EYA4: variants seen among roughly 807,000 people sequenced by gnomAD.
The protein encoded by EYA4 is protein phosphatase EYA4.
Under a neutral mutation model 87.9 loss-of-function variants are expected in EYA4, and 31 were observed. The observed-to-expected ratio is 0.35, with a 90% confidence interval of 0.27 to 0.48. The LOEUF is 0.48. Ranked by LOEUF, EYA4 falls within the 20% of genes least tolerant of loss-of-function variation. The pLI is 0.99. For missense variants in EYA4, 678 were observed against 761.4 expected (o/e 0.89, Z 1.29); for synonymous variants, 263 against 270.6 (o/e 0.97, Z 0.28).
intron 2 of EYA4, among the ~76,000 whole-genome samples, chr6:133,291,818 A>G (rs2128297922): frequency 6.6e-6 from 1 of 152,232 alleles, no homozygotes; most frequent in African/African-American, 2.4e-5. Context: ...TTTGCATAGT[A>G]TTATCCACAT....
chr6:133,408,240 C>G (rs1028219224), intron 3 of EYA4, among the ~76,000 whole-genome samples: 1 of 152,150 alleles, frequency 6.6e-6, no homozygotes, highest in Non-Finnish European at 1.5e-5. Flanking sequence ...CTGAAGGTCT[C>G]AGTGAAAAGC....
chr6:133,526,955 T>C (rs1226310325), intron 19 of EYA4, among the ~76,000 whole-genome samples: 1 of 152,186 alleles, frequency 6.6e-6, no homozygotes, highest in Non-Finnish European at 1.5e-5. Flanking sequence ...AGTAACACAA[T>C]ATGCTTTTGA....
chr6:133,276,023 A>G (rs746099484), intron 2 of EYA4, among the ~76,000 whole-genome samples: 5 of 152,212 alleles, frequency 3.3e-5, no homozygotes, highest in Non-Finnish European at 7.3e-5. Context: ...TATTGACTGT[A>G]AATATTCACA....
chr6:133,296,068 AT>A (rs1156252422), intron 2 of EYA4, among the ~76,000 whole-genome samples: 1 of 152,160 alleles, frequency 6.6e-6, no homozygotes, highest in East Asian at 1.9e-4. Flanking sequence ...TAAAACTGAC[AT>A]TTGAGCACAG....
At chr6:133,318,283 G>C (rs1780778499) in intron 2 of EYA4, among the ~76,000 whole-genome samples, 2 of 152,244 alleles carry the variant, frequency 1.3e-5, no homozygotes, top group Admixed American at 1.3e-4. Context: ...ATAGAACTTA[G>C]GGGAAAATTA....
At chr6:133,241,251 A>T (rs1400799587), upstream of EYA4, 1 of 151,740 alleles carries the variant, frequency 6.6e-6, no homozygotes, top group Non-Finnish European at 1.5e-5. Flanking sequence ...CGGCGGCCTC[A>T]CGAGCCCGCA....
At chr6:133,468,497 T>C in intron 10 of EYA4, 69 bp from the exon 11 acceptor site, 1 of 1,260,784 alleles carries the variant, frequency 7.9e-7, no homozygotes. Flanking sequence ...CCATAATGAC[T>C]GGTTTTCTTG....
chr6:133,250,041 T>C (rs1774759814), intron 1 of EYA4, among the ~76,000 whole-genome samples: 1 of 152,132 alleles, frequency 6.6e-6, no homozygotes, highest in Admixed American at 6.5e-5. Context: ...AGAGCAGAGA[T>C]TGTGACACTG....
chr6:133,530,000 A>C lies in EYA4; in HGVS notation c.*1195A>C. 11 of 985,456 alleles carry C rather than the reference A, an allele frequency of 1.1e-5. No individual in the cohort carries two copies. Among genetic ancestry groups the C allele is most frequent in the Non-Finnish European group, 1.3e-5 (11 of 829,922 alleles). 61.0% of individuals were successfully genotyped at this position (985,456 alleles called of 1,614,324 possible). ...TTCACATTGAGTGCACAGGGCTTAAAATAAAGCTAAGTATGTTTATTCCCA... is the reference window on the plus strand; with the variant it reads ...TTCACATTGAGTGCACAGGGCTTAACATAAAGCTAAGTATGTTTATTCCCA... On this transcript the variant is annotated 3_prime_UTR_variant, in exon 20 of 20. Coordinates refer to ENST00000355286, the MANE Select transcript of EYA4 (RefSeq NM_004100.5).
At chr6:133,337,413 G>A (rs1454671275) in intron 2 of EYA4, among the ~76,000 whole-genome samples, 1 of 152,166 alleles carries the variant, frequency 6.6e-6, no homozygotes, top group Non-Finnish European at 1.5e-5. Context: ...GGGATTTAAT[G>A]CATGACTCGC....
intron 1 of EYA4, among the ~76,000 whole-genome samples, chr6:133,246,543 G>A (rs543602522): frequency 1.3e-4 from 19 of 151,760 alleles, no homozygotes; most frequent in South Asian, 2.1e-4. Flanking sequence ...GTGAAATTGC[G>A]TTAAACCAAT....
At chr6:133,424,872 C>T (rs1461282675) in intron 3 of EYA4, among the ~76,000 whole-genome samples, 2 of 150,860 alleles carry the variant, frequency 1.3e-5, no homozygotes, top group African/African-American at 2.5e-5. Flanking sequence ...GGCTCCCACC[C>T]GCTCCATGGA....
chr6:133,464,626 T>C (rs1263788847), intron 9 of EYA4, among the ~76,000 whole-genome samples, 153 bp from the exon 10 acceptor site: 1 of 152,184 alleles, frequency 6.6e-6, no homozygotes, highest in Non-Finnish European at 1.5e-5. Context: ...GGGAGAGAGC[T>C]AAGCCTATTT....
chr6:133,372,530 A>G (rs1701967318), intron 2 of EYA4, among the ~76,000 whole-genome samples: 1 of 151,914 alleles, frequency 6.6e-6, no homozygotes, highest in South Asian at 2.1e-4. Context: ...TGTTGCTACG[A>G]TGTTGTGGAA....
At chr6:133,242,336 C>T (rs1774020073) in intron 1 of EYA4, among the ~76,000 whole-genome samples, 1 of 152,180 alleles carries the variant, frequency 6.6e-6, no homozygotes, top group South Asian at 2.1e-4. Context: ...CTGCGGCGAT[C>T]CCACTTTAAT....
At chr6:133,281,334 G>T (rs1355118644) in intron 2 of EYA4, among the ~76,000 whole-genome samples, 3 of 151,904 alleles carry the variant, frequency 2.0e-5, no homozygotes, top group Non-Finnish European at 2.9e-5. Context: ...TTTTTCTTTT[G>T]TCACTTGCGC....
chr6:133,394,282 G>GTATTTTTTTT lies in EYA4; in HGVS notation c.83+11842_83+11843insATTTTTTTTT, dbSNP rs1562368948. On this transcript the variant is annotated intron_variant, in intron 3 of 19. Coordinates refer to ENST00000355286, the MANE Select transcript of EYA4 (RefSeq NM_004100.5). ...GTTGGAAAAATGTATATATAAGCTT[G>GTATTTTTTTT]TGTTTTTTTTTTTTTTTTTTTTTTT... Among the ~76,000 whole-genome samples the GTATTTTTTTT allele has an allele frequency of 1.7e-4, 18 of 107,816 alleles. 3 individuals carry two copies. The highest frequency in any genetic ancestry group is 4.3e-4 in the African/African-American group (9 of 20,842). The allele number at this position is 107,816 out of a possible 152,430, so 70.7% of individuals were successfully genotyped here.
chr6:133,407,898 T>A (rs1446174098), intron 3 of EYA4, among the ~76,000 whole-genome samples: 1 of 152,208 alleles, frequency 6.6e-6, no homozygotes, highest in Non-Finnish European at 1.5e-5. Context: ...AATCAAAAGC[T>A]GCTTGTTTTG....
At chr6:133,354,359 G>A (rs1253365201) in intron 2 of EYA4, among the ~76,000 whole-genome samples, 1 of 151,986 alleles carries the variant, frequency 6.6e-6, no homozygotes, top group East Asian at 1.9e-4. Flanking sequence ...GGACATCATG[G>A]CAGTGATGGT....
Sources: allele counts gnomAD v4.1 joint callset (sites outside exome capture counted in the v4.1 genomes callset), GRCh38; gene constraint gnomAD v4.1.1; transcripts MANE v1.5; gene names NCBI Gene and HGNC (gene_info 2026-07-23, HGNC 2026-07-21).